The following USB1 variants were observed in gnomAD, a reference collection of about 807,000 sequenced individuals.
USB1 encodes U6 snRNA phosphodiesterase 1.
In USB1, 21 loss-of-function variants were observed where a neutral mutation model predicts 29.9. The ratio of observed to expected loss-of-function variants is 0.70; its 90% CI spans 0.50 to 1.01. The LOEUF is 1.01. Among genes scored for constraint, USB1 ranks in the 50% least tolerant of loss-of-function variants. The probability of loss-of-function intolerance (pLI) is 0.00; values close to 1 mark genes in which losing one functional copy is unlikely to be tolerated. For missense variants in USB1, 330 were observed against 347.1 expected (o/e 0.95, Z 0.39); for synonymous variants, 143 against 134.9 (o/e 1.06, Z -0.42).
chr16:58,012,163 C>G, intron 3 of USB1: 1 of 1,434,564 alleles, frequency 7.0e-7, no homozygotes. Context: ...TGAACCCCTT[C>G]TGAGGGCCAG....
chr16:58,010,952 G>A (rs1003956694), intron 3 of USB1: 12 of 699,648 alleles, frequency 1.7e-5, no homozygotes, highest in Admixed American at 6.0e-5. Flanking sequence ...CTCCCATACC[G>A]GGAGGGTAGG....
chr16:58,013,337 C>G lies in USB1; in HGVS notation c.450-936C>G. On this transcript the variant is annotated intron_variant, in intron 3 of 6. Coordinates refer to ENST00000219281, the MANE Select transcript of USB1 (RefSeq NM_024598.4). This position sits in a 1 kb window ranked among gnomAD's most constrained non-coding sequence, Gnocchi z 4.3. ...ACCAAGCTCCTGGTGGTTCTGTGATCCCTTACATTTTCTCCAGAGGCAGAG... is the reference window on the plus strand; with the variant it reads ...ACCAAGCTCCTGGTGGTTCTGTGATGCCTTACATTTTCTCCAGAGGCAGAG... 1.0e-6 allele frequency: 1 copy of G among 985,494 alleles called. No individual in the cohort carries two copies. Among genetic ancestry groups the G allele is most frequent in the Non-Finnish European group, 1.2e-6 (1 of 829,984 alleles). 61.0% of individuals were successfully genotyped at this position (985,494 alleles called of 1,614,324 possible). A position where few individuals can be genotyped will look rare whatever the true frequency, so the allele number is the denominator to read the frequency against.
intron 4 of USB1, 53 bp from the exon 5 acceptor site, chr16:58,017,281 G>A (rs1378390828): frequency 2.6e-5 from 40 of 1,544,300 alleles, no homozygotes; most frequent in Non-Finnish European, 3.5e-5. Flanking sequence ...CTGCGCAGAT[G>A]GCTGTGTTCT....
chr16:58,016,354 GTT>G (rs1384925178), intron 4 of USB1: 1 of 152,220 alleles, frequency 6.6e-6, no homozygotes, highest in African/African-American at 2.4e-5. Flanking sequence ...CTTTGTACCT[GTT>G]TGTTTGTACC....
At chr16:58,007,174 T>C (rs4784881) in intron 2 of USB1, among the ~76,000 whole-genome samples, 106,011 of 152,158 alleles carry the variant, frequency 0.7, 37,462 homozygotes, top group African/African-American at 0.78. Context: ...TCTGTAGTTT[T>C]CTTGTAATGT....
rs1963545028 is a variant in USB1 at position 58,013,526 on chromosome 16, G to A, written c.450-747G>A. Reference sequence around the variant, plus strand: ...ATGGTGAGATTGCTAGTGTCTCAGAGAATAAAGGACAGAACCAGTCCAAGT... The same window carrying A: ...ATGGTGAGATTGCTAGTGTCTCAGAAAATAAAGGACAGAACCAGTCCAAGT... On this transcript the variant is annotated intron_variant, in intron 3 of 6. Transcript: ENST00000219281. The surrounding 1 kb of genome is among the most constrained non-coding windows in gnomAD (Gnocchi z 4.3). The A allele has an allele frequency of 6.3e-6, 6 of 959,882 alleles. No individual in the cohort carries two copies. The South Asian group carries it at 1.9e-4, about 31-fold the overall frequency. The allele number at this position is 959,882 out of a possible 1,614,324, so 59.5% of individuals were successfully genotyped here. A position where few individuals can be genotyped will look rare whatever the true frequency, so the allele number is the denominator to read the frequency against.
rs752172199 is a variant in USB1, at chr16:58,018,957, C to A, written c.610-15C>A. 1 of 1,613,974 alleles carries A rather than the reference C, an allele frequency of 6.2e-7. No individual in the cohort carries two copies. Among genetic ancestry groups the A allele is most frequent in the East Asian group, 2.2e-5 (1 of 44,872 alleles). Reference sequence around the variant, plus strand: ...GGCGTCCGGGTGACTGCCTGCCTCTCGTTTCCCTCCCCAGGATCCTTCTTT... The same window carrying A: ...GGCGTCCGGGTGACTGCCTGCCTCTAGTTTCCCTCCCCAGGATCCTTCTTT... On this transcript the variant is annotated splice_polypyrimidine_tract_variant and intron_variant, in intron 5 of 6. Transcript: ENST00000219281.
chr16:58,005,511 A>G (rs2142295357), intron 2 of USB1, among the ~76,000 whole-genome samples: 1 of 152,296 alleles, frequency 6.6e-6, no homozygotes, highest in South Asian at 2.1e-4. Context: ...ATGTCCCCTC[A>G]GCTCCTATCT....
At chr16:58,003,133 G>A (rs1286813479) in intron 2 of USB1, among the ~76,000 whole-genome samples, 1 of 152,162 alleles carries the variant, frequency 6.6e-6, no homozygotes, top group African/African-American at 2.4e-5. Context: ...TCTAAAATGG[G>A]GGTAGCACTG....
At chr16:58,000,273 C>G (rs2142285943), upstream of USB1, 1 of 152,124 alleles carries the variant, frequency 6.6e-6, no homozygotes, top group East Asian at 1.9e-4. This position sits in a 1 kb window ranked among gnomAD's most constrained non-coding sequence, Gnocchi z 4.5. Context: ...GCCTGGGCCG[C>G]CCAGAAGCTC....
In USB1 at chr16:58,020,452, C is replaced by G. The variant is rs1301715307; in HGVS notation, c.*207C>G. The G allele has an allele frequency of 1.1e-5, 7 of 615,432 alleles. No homozygotes were observed. The highest frequency in any genetic ancestry group is 2.5e-5 in the Admixed American group (1 of 39,242). 38.1% of individuals were successfully genotyped at this position (615,432 alleles called of 1,614,324 possible). On this transcript the variant is annotated 3_prime_UTR_variant, in exon 7 of 7. Transcript: ENST00000219281. ...TCTTCCTCTTCTTTCTCTCTCTTCT[C>G]CTCTCTTTCTCTCCTCTGTCTCTCT...
Position 58,017,150 on chromosome 16 carries a change from T to A in USB1, c.504-184T>A, listed in dbSNP as rs984201513. 8 of 640,920 alleles carry A rather than the reference T, an allele frequency of 1.2e-5. No homozygotes were observed. In the African/African-American group the frequency reaches 1.3e-4, roughly 10 times the overall value. 39.7% of individuals were successfully genotyped at this position (640,920 alleles called of 1,614,324 possible). Reference sequence around the variant, plus strand: ...TGGGTGAGAACTGGGAAAGGAAGATTTACAGACAGAGAATCTGAGGACTGA... The same window carrying A: ...TGGGTGAGAACTGGGAAAGGAAGATATACAGACAGAGAATCTGAGGACTGA... On this transcript the variant is annotated intron_variant, in intron 4 of 6. Transcript: ENST00000219281.
rs780183598 is a variant in USB1 at position 58,014,257 on chromosome 16, G to C, written c.450-16G>C. Reference sequence around the variant, plus strand: ...TTCTTACGATTTTTCCTGAAATATGGTCTTCTAAATTTCAGATTCTTCTTT... The same window carrying C: ...TTCTTACGATTTTTCCTGAAATATGCTCTTCTAAATTTCAGATTCTTCTTT... On this transcript the variant is annotated splice_polypyrimidine_tract_variant and intron_variant, in intron 3 of 6. Transcript: ENST00000219281. 6.2e-7 allele frequency: 1 copy of C among 1,607,204 alleles called. No individual in the cohort carries two copies. The highest frequency in any genetic ancestry group is 1.1e-5 in the South Asian group (1 of 90,326).
chr16:58,000,174 C>T (rs1963132767), upstream of USB1, among the ~76,000 whole-genome samples: 1 of 152,132 alleles, frequency 6.6e-6, no homozygotes, highest in South Asian at 2.1e-4. The surrounding 1 kb of genome is among the most constrained non-coding windows in gnomAD (Gnocchi z 4.5). Context: ...GCCGCTGCGA[C>T]CCGAGGGCGA....
chr16:58,011,022 C>G (rs898139465), intron 3 of USB1: 2 of 712,888 alleles, frequency 2.8e-6, no homozygotes, highest in South Asian at 1.5e-5. Context: ...GATCAGCCCC[C>G]ATCCAGGACC....
chr16:58,003,744 A>G (rs1228255576), intron 2 of USB1, among the ~76,000 whole-genome samples: 1 of 152,130 alleles, frequency 6.6e-6, no homozygotes, highest in East Asian at 1.9e-4. Context: ...TTGTTTATTA[A>G]TAAATTTTAA....
upstream of USB1, chr16:58,000,006 A>C (rs1193889858): frequency 6.6e-6 from 1 of 152,642 alleles, no homozygotes; most frequent in Non-Finnish European, 1.5e-5. The surrounding 1 kb of genome is among the most constrained non-coding windows in gnomAD (Gnocchi z 4.5). Context: ...CAAAGGGGAG[A>C]GAGGAGGCAA....
chr16:58,011,537 G>A, intron 3 of USB1: 1 of 1,003,126 alleles, frequency 1.0e-6, no homozygotes, highest in Non-Finnish European at 1.2e-6. Context: ...TCCGTCCAGA[G>A]ATCAGTCGGT....
At chr16:58,008,748 C>T (rs879720500) in intron 2 of USB1, among the ~76,000 whole-genome samples, 2 of 151,064 alleles carry the variant, frequency 1.3e-5, no homozygotes, top group East Asian at 1.9e-4. Context: ...CCACCATACC[C>T]GGCCTAGATC....
Sources: gnomAD v4.1 joint callset for allele counts (sites outside exome capture counted in the v4.1 genomes callset) on GRCh38, gnomAD v4.1.1 for gene constraint, Gnocchi (gnomAD v3.1) non-coding constraint, MANE v1.5 for transcripts, NCBI Gene and HGNC (gene_info 2026-07-23, HGNC 2026-07-21) for gene names.